GALNT9: variants seen among roughly 807,000 people sequenced by gnomAD.
GALNT9 encodes the protein GalNAc transferase 9.
A neutral mutation model predicts 63.1 loss-of-function variants in GALNT9; 47 were observed. The observed-to-expected ratio is 0.75, with a 90% confidence interval of 0.59 to 0.95. The LOEUF (loss-of-function observed/expected upper bound fraction) is 0.95. GALNT9 is among the 40% of genes least tolerant of loss of function. The pLI is 0.00. For synonymous variants in GALNT9, 396 were observed against 365.7 expected (o/e 1.08, Z -0.94); for missense variants, 829 against 874.8 (o/e 0.95, Z 0.66).
intron 2 of GALNT9, chr12:132,284,078 CACACATGCACACACACGCATGT>C (rs1303704448): frequency 3.9e-5 from 6 of 152,044 alleles, no homozygotes; most frequent in African/African-American, 1.2e-4. Context: ...CACACACGTG[CACACATGCACACACACGCATGT>C]ACACACGCAC....
At chr12:132,260,624 A>G (rs28412188) in intron 4 of GALNT9, among the ~76,000 whole-genome samples, 72,997 of 152,088 alleles carry the variant, frequency 0.48, 18,374 homozygotes, top group African/African-American at 0.64. Flanking sequence ...GAGTCAGGAC[A>G]GGGTCACATT....
At chr12:132,312,963 C>G (rs1881866031) in intron 1 of GALNT9, among the ~76,000 whole-genome samples, 1 of 152,116 alleles carries the variant, frequency 6.6e-6, no homozygotes, top group Non-Finnish European at 1.5e-5. Context: ...TCTCGTAGTC[C>G]AGCATTCCAG....
intron 6 of GALNT9, among the ~76,000 whole-genome samples, chr12:132,233,234 T>A (rs1877912709): frequency 6.3e-5 from 1 of 15,826 alleles, no homozygotes; most frequent in Non-Finnish European, 1.2e-4. Flanking sequence ...ACACACTCGA[T>A]GGGGCGACAG....
chr12:132,329,546 C>T lies in GALNT9; in HGVS notation c.-343G>A, dbSNP rs535038567. 0.019 allele frequency among the ~76,000 whole-genome samples: 2,815 copies of T among 147,476 alleles called. 40 individuals carry two copies. Among genetic ancestry groups the T allele is most frequent in the Non-Finnish European group, 0.028 (1,854 of 66,030 alleles). On this transcript the variant is annotated 5_prime_UTR_variant, in exon 1 of 11. Transcript: ENST00000328957. ...GCGGCGCTCGGTGTCTGTGCCGGCT[C>T]CTGTCCTGCCCGCCCCGCAGCCACC...
rs2136894481 is a variant in GALNT9, at chr12:132,236,218, G to A, written c.1077+11692C>T. Among the ~76,000 whole-genome samples, 25 of 151,510 alleles carry A rather than the reference G, an allele frequency of 1.7e-4. No homozygotes were observed. The highest frequency in any genetic ancestry group is 3.2e-4 in the Non-Finnish European group (22 of 67,822). ...GCAAATGCCAGCCTCCCTCCCCCAG[G>A]CATCGATCTCGTGAATAAATCAGCA... On this transcript the variant is annotated intron_variant, in intron 6 of 10. Transcript: ENST00000328957. This position sits in a 1 kb window ranked among gnomAD's most constrained non-coding sequence, Gnocchi z 5.6.
intron 1 of GALNT9, among the ~76,000 whole-genome samples, chr12:132,309,700 C>T (rs557894960): frequency 3.9e-4 from 59 of 152,314 alleles, no homozygotes; most frequent in African/African-American, 1.4e-3. Context: ...CTGCCGGCAC[C>T]GTGACTTTGG....
At position 132,265,785 on chromosome 12, in the gene GALNT9, G is replaced by A. The variant is rs775889674; in HGVS notation, c.420-3160C>T. Among the ~76,000 whole-genome samples the A allele has an allele frequency of 3.3e-5, 5 of 152,180 alleles. No homozygotes were observed. The highest frequency in any genetic ancestry group is 5.9e-5 in the Non-Finnish European group (4 of 68,034). On this transcript the variant is annotated intron_variant, in intron 2 of 10. Coordinates refer to ENST00000328957, the MANE Select transcript of GALNT9 (RefSeq NM_001122636.2). This position sits in a 1 kb window ranked among gnomAD's most constrained non-coding sequence, Gnocchi z 5.3. ...ACATTCCTGCCTCGGAGGGGCCAGG[G>A]GCTTCTCCAGGACACTGTACACACA... is the stretch of plus-strand genomic sequence containing the variant.
chr12:132,275,278 G>A (rs1161832432), intron 2 of GALNT9: 1 of 152,332 alleles, frequency 6.6e-6, no homozygotes, highest in African/African-American at 2.4e-5. Flanking sequence ...TCCAGCCCTG[G>A]ATGAAGGGGA....
intron 2 of GALNT9, chr12:132,275,497 T>C (rs1268402806): frequency 6.6e-5 from 10 of 152,236 alleles, no homozygotes; most frequent in African/African-American, 2.4e-4. Context: ...GGCCCGATGA[T>C]ATCGCCTGAG....
At chr12:132,303,662 C>G (rs1158950124) in intron 1 of GALNT9, among the ~76,000 whole-genome samples, 1 of 73,354 alleles carries the variant, frequency 1.4e-5, no homozygotes, top group Admixed American at 1.4e-4. Flanking sequence ...CCTGGGCACA[C>G]CCTCACCCGG....
At chr12:132,200,072 G>T (rs913824174) in intron 8 of GALNT9, among the ~76,000 whole-genome samples, 1 of 152,202 alleles carries the variant, frequency 6.6e-6, no homozygotes, top group Admixed American at 6.5e-5. Flanking sequence ...GCACAGGGAG[G>T]CTGGGGGAGA....
rs992708192 is a variant in GALNT9 at position 132,317,018 on chromosome 12, C to T, written c.238+11948G>A. Among the ~76,000 whole-genome samples, 3 of 150,242 alleles carry T rather than the reference C, an allele frequency of 2.0e-5. No homozygotes were observed. In the East Asian group the frequency reaches 5.8e-4, roughly 29 times the overall value. ...CACAGAGCACAGCCTGCACCCTACA[C>T]CCCACGGAGCATGGTCCTATTCTAC... On this transcript the variant is annotated intron_variant, in intron 1 of 10. Transcript: ENST00000328957.
rs568200343 is a variant in GALNT9 at position 132,296,412 on chromosome 12, A to G, written c.239-9982T>C. Among the ~76,000 whole-genome samples the G allele has an allele frequency of 6.6e-6, 1 of 152,294 alleles. No individual in the cohort carries two copies. The highest frequency in any genetic ancestry group is 2.1e-4 in the South Asian group (1 of 4,830). On this transcript the variant is annotated intron_variant, in intron 1 of 10. Coordinates refer to ENST00000328957, the MANE Select transcript of GALNT9 (RefSeq NM_001122636.2). The surrounding 1 kb of genome is among the most constrained non-coding windows in gnomAD (Gnocchi z 4.2). ...AGCTGTGGGCTCTTCCCCGGATCTC[A>G]TGGGTGTCTTCCTGGGCTGCGTGAT...
chr12:132,326,713 T>C (rs2135595100), intron 1 of GALNT9, among the ~76,000 whole-genome samples: 1 of 152,320 alleles, frequency 6.6e-6, no homozygotes, highest in South Asian at 2.1e-4. Flanking sequence ...TCGGATGGAT[T>C]AGTATCGAGT....
Position 132,327,127 on chromosome 12 carries a change from C to T in GALNT9, c.238+1839G>A, listed in dbSNP as rs143955345. ...GACAGAGGCAGACAGATGGCAGGGG[C>T]CGTTCGGAGAAAGGCTGACAAGGGA... On this transcript the variant is annotated intron_variant, in intron 1 of 10. Transcript: ENST00000328957. The surrounding 1 kb of genome is among the most constrained non-coding windows in gnomAD (Gnocchi z 4.3). Among the ~76,000 whole-genome samples the T allele has an allele frequency of 1.1e-3, 162 of 152,012 alleles. 1 individual carries two copies. Among genetic ancestry groups the T allele is most frequent in the Middle Eastern group, 3.4e-3 (1 of 294 alleles).
chr12:132,229,039 C>T (rs1431029833), intron 6 of GALNT9, among the ~76,000 whole-genome samples: 1 of 152,162 alleles, frequency 6.6e-6, no homozygotes, highest in African/African-American at 2.4e-5. Context: ...AACACATGGC[C>T]ACGTGGTCCT....
chr12:132,235,610 C>T (rs1325177950), intron 6 of GALNT9, among the ~76,000 whole-genome samples: 1 of 152,188 alleles, frequency 6.6e-6, no homozygotes, highest in Admixed American at 6.5e-5. Flanking sequence ...TCCACCCACC[C>T]CACAGCAGCC....
rs1202173313 is a variant in GALNT9 at position 132,282,426 on chromosome 12, TGTGCGTGC to T, written c.419+3816_419+3823del. Among the ~76,000 whole-genome samples, 12 of 152,154 alleles carry T rather than the reference TGTGCGTGC, an allele frequency of 7.9e-5. No individual in the cohort carries two copies. The highest frequency in any genetic ancestry group is 2.4e-4 in the African/African-American group (10 of 41,458). On this transcript the variant is annotated intron_variant, in intron 2 of 10. Coordinates refer to ENST00000328957, the MANE Select transcript of GALNT9 (RefSeq NM_001122636.2). This position sits in a 1 kb window ranked among gnomAD's most constrained non-coding sequence, Gnocchi z 4.5. ...GCGCGTGTGTGCGTGTGTGTGCGTG[TGTGCGTGC>T]ATGCGTGTGTGTGCGTGTGCATGTG...
chr12:132,309,130 G>A (rs933858587), intron 1 of GALNT9, among the ~76,000 whole-genome samples: 4 of 152,210 alleles, frequency 2.6e-5, no homozygotes, highest in South Asian at 2.1e-4. Flanking sequence ...TCTGTCCCAC[G>A]CGACACTCTC....
Sources: allele counts gnomAD v4.1 joint callset (sites outside exome capture counted in the v4.1 genomes callset), GRCh38; gene constraint gnomAD v4.1.1; non-coding constraint Gnocchi (gnomAD v3.1); transcripts MANE v1.5; gene names NCBI Gene and HGNC (gene_info 2026-07-23, HGNC 2026-07-21).